Variants in SEMA5A observed in about 807,000 individuals in gnomAD.
The protein encoded by SEMA5A is semaphorin-5A.
SEMA5A carries 55 observed loss-of-function variants against 135.5 expected under a neutral mutation model. The observed-to-expected ratio is 0.41, with a 90% CI of 0.33 to 0.51. SEMA5A has a LOEUF of 0.51. SEMA5A is among the 20% of genes least tolerant of loss of function. The pLI, the probability that SEMA5A is intolerant of heterozygous loss-of-function variation, is 0.37. For missense variants in SEMA5A, 1,290 were observed against 1,419.9 expected, an observed-to-expected ratio of 0.91 and a Z score of 1.47; for synonymous variants, 580 against 546.5, an observed-to-expected ratio of 1.06 and a Z score of -0.85.
In SEMA5A at chr5:9,519,464, A is replaced by G. The variant is rs556163221; in HGVS notation, c.-175+26120T>C. On this transcript the variant is annotated intron_variant, in intron 1 of 22. Transcript: ENST00000382496. ...AATCTTTTTATCACCAAAATGCAAA[A>G]ACAATCTGAACTAGCTGCTGTGTCC... Among the ~76,000 whole-genome samples, 5 of 152,344 alleles carry G rather than the reference A, an allele frequency of 3.3e-5. No individual in the cohort carries two copies. In the South Asian group the frequency reaches 8.3e-4, roughly 25 times the overall value.
Position 9,379,899 on chromosome 5 carries a change from C to G in SEMA5A, c.48G>C (p.Leu16=), listed in dbSNP as rs764191344. ...GGGCCTCTGGGTGGGCGAGTCTCCACAGCCCCAGGCTTGAGAACAGCCATG... is the reference window on the plus strand; with the variant it reads ...GGGCCTCTGGGTGGGCGAGTCTCCAGAGCCCCAGGCTTGAGAACAGCCATG... The part of the protein sequence containing the change: ...VIAWLFSSLG[L]WRLAHPEAQG... The change falls in exon 3 of 23, where the codon CTG becomes CTC. Residue 16 remains leucine, a synonymous_variant. Transcript: ENST00000382496. 5 of 1,613,932 alleles carry G rather than the reference C, an allele frequency of 3.1e-6. No homozygotes were observed. The highest frequency in any genetic ancestry group is 1.3e-5 in the African/African-American group (1 of 74,902).
In SEMA5A at chr5:9,044,534, C is replaced by T. The variant is rs201531529; in HGVS notation, c.2944G>A (p.Gly982Ser). The T allele has an allele frequency of 9.3e-6, 15 of 1,613,898 alleles. No individual in the cohort carries two copies. Among genetic ancestry groups the T allele is most frequent in the Middle Eastern group, 1.7e-4 (1 of 6,002 alleles). Residue 982 changes from glycine to serine, a missense_variant, in exon 22 of 23, where the codon GGC becomes AGC. Transcript: ENST00000382496. ...TAGACGAGCAGGGTGAGGAGGCAGC[C>T]GAGGATGGAGCTGCTCAGCCCCACG... ...IAVGLSSSIL[G>S]CLLTLLVYTY... is the part of the protein sequence containing the mutation.
intron 5 of SEMA5A, among the ~76,000 whole-genome samples, chr5:9,255,542 C>G (rs1561076559): frequency 6.6e-6 from 1 of 152,182 alleles, no homozygotes; most frequent in Non-Finnish European, 1.5e-5. Flanking sequence ...ATTTGACAAT[C>G]TAAGCATTCC....
chr5:9,477,543 T>C (rs182880183), intron 1 of SEMA5A, among the ~76,000 whole-genome samples: 23 of 152,278 alleles, frequency 1.5e-4, no homozygotes, highest in African/African-American at 5.3e-4. Context: ...GAGGAACTTA[T>C]TAGGAATTGG....
At chr5:9,303,552 G>A (rs1196332765) in intron 5 of SEMA5A, among the ~76,000 whole-genome samples, 1 of 151,966 alleles carries the variant, frequency 6.6e-6, no homozygotes, top group Non-Finnish European at 1.5e-5. Context: ...ATACATTTAT[G>A]TTTCTAGGAG....
At chr5:9,124,590 G>A (rs944988432) in intron 13 of SEMA5A, among the ~76,000 whole-genome samples, 11 of 152,074 alleles carry the variant, frequency 7.2e-5, no homozygotes, top group Non-Finnish European at 1.3e-4. Context: ...CTGAGTAGCT[G>A]GGACTACAGG....
intron 20 of SEMA5A, 39 bp from the exon 21 acceptor site, chr5:9,050,496 G>C (rs760065769): frequency 1.3e-6 from 2 of 1,569,618 alleles, no homozygotes; most frequent in Admixed American, 1.7e-5. Context: ...TGTAAAAGGT[G>C]TTCAGAAGAC....
chr5:9,116,506 A>G (rs186641473), intron 15 of SEMA5A, among the ~76,000 whole-genome samples: 2 of 152,324 alleles, frequency 1.3e-5, no homozygotes, highest in East Asian at 3.9e-4. Context: ...TTTTCAGAAA[A>G]AAAAATTATG....
chr5:9,343,780 T>C (rs1753748915), intron 3 of SEMA5A, among the ~76,000 whole-genome samples: 1 of 152,186 alleles, frequency 6.6e-6, no homozygotes, highest in Non-Finnish European at 1.5e-5. Flanking sequence ...GCTACCAGTT[T>C]CCTTCCCTTT....
At position 9,457,939 on chromosome 5, in the gene SEMA5A, G is replaced by A. The variant is rs1394912898; in HGVS notation, c.-174-20087C>T. Among the ~76,000 whole-genome samples, 34 of 107,496 alleles carry A rather than the reference G, an allele frequency of 3.2e-4. No homozygotes were observed. In the East Asian group the frequency reaches 6.7e-3, roughly 21 times the overall value. The allele number at this position is 107,496 out of a possible 152,430, so 70.5% of individuals were successfully genotyped here. On this transcript the variant is annotated intron_variant, in intron 1 of 22. Transcript: ENST00000382496. ...TTTTTTTTTTTTGAGACAGAGTCTC[G>A]CTCTGTCACCCAGGATGGAGTGCAG...
At chr5:9,076,680 A>G (rs1195366851) in intron 16 of SEMA5A, among the ~76,000 whole-genome samples, 1 of 152,226 alleles carries the variant, frequency 6.6e-6, no homozygotes, top group Non-Finnish European at 1.5e-5. Context: ...ATATAGTAAA[A>G]TCATCGTAAT....
chr5:9,456,092 T>C (rs914087502), intron 1 of SEMA5A, among the ~76,000 whole-genome samples: 4 of 152,242 alleles, frequency 2.6e-5, no homozygotes, highest in African/African-American at 9.6e-5. Flanking sequence ...CAGAGAGGCC[T>C]GCAGCTACAG....
chr5:9,408,378 C>T (rs972982329), intron 2 of SEMA5A, among the ~76,000 whole-genome samples: 1 of 152,190 alleles, frequency 6.6e-6, no homozygotes, highest in Non-Finnish European at 1.5e-5. Flanking sequence ...TTTTACAATT[C>T]CAGAACTTTC....
chr5:9,082,360 T>C (rs1162107738), intron 16 of SEMA5A, among the ~76,000 whole-genome samples: 4 of 152,170 alleles, frequency 2.6e-5, no homozygotes, highest in Non-Finnish European at 5.9e-5. Flanking sequence ...TTTAACACTG[T>C]TGGTAGGTAA....
At chr5:9,474,209 G>T (rs1210662143) in intron 1 of SEMA5A, among the ~76,000 whole-genome samples, 1 of 152,186 alleles carries the variant, frequency 6.6e-6, no homozygotes, top group Non-Finnish European at 1.5e-5. Flanking sequence ...GTGAGAGAAA[G>T]GATCTTACGT....
intron 18 of SEMA5A, among the ~76,000 whole-genome samples, chr5:9,057,214 A>G (rs1561109724): frequency 6.6e-6 from 1 of 152,244 alleles, no homozygotes; most frequent in Non-Finnish European, 1.5e-5. Context: ...ACATCGTTGT[A>G]TACCTATACT....
intron 1 of SEMA5A, among the ~76,000 whole-genome samples, chr5:9,530,085 C>T (rs148144322): frequency 7.2e-5 from 11 of 152,304 alleles, no homozygotes; most frequent in Middle Eastern, 3.4e-3. Flanking sequence ...GTGCGGGCCG[C>T]GTTAGGATGG....
At chr5:9,199,896 A>G (rs2150364176) in intron 9 of SEMA5A, among the ~76,000 whole-genome samples, 1 of 152,300 alleles carries the variant, frequency 6.6e-6, no homozygotes, top group East Asian at 1.9e-4. Context: ...TCGTGCTAGG[A>G]ACAGAAGGAG....
intron 2 of SEMA5A, among the ~76,000 whole-genome samples, chr5:9,385,047 G>T (rs1479360153): frequency 1.3e-5 from 2 of 152,136 alleles, no homozygotes; most frequent in Non-Finnish European, 2.9e-5. Context: ...AAATGAATTT[G>T]CCAATATGAA....
Sources: allele counts gnomAD v4.1 joint callset (sites outside exome capture counted in the v4.1 genomes callset), GRCh38; gene constraint gnomAD v4.1.1; transcripts MANE v1.5; gene names NCBI Gene and HGNC (gene_info 2026-07-23, HGNC 2026-07-21).